KALRN: variants seen among roughly 807,000 people sequenced by gnomAD.
KALRN encodes kalirin RhoGEF kinase.
In KALRN, 70 loss-of-function variants were observed where a neutral mutation model predicts 353.7. The observed-to-expected ratio is 0.20, with a 90% CI of 0.16 to 0.24. The LOEUF is 0.24. Ranked by LOEUF, KALRN falls within the 10% of genes least tolerant of loss-of-function variation. KALRN has a pLI of 1.00. For synonymous variants in KALRN, 1,391 were observed against 1,434.8 expected, an observed-to-expected ratio of 0.97 and a Z score of 0.69; for missense variants, 2,791 against 3,756.7, an observed-to-expected ratio of 0.74 and a Z score of 6.72.
intron 1 of KALRN, among the ~76,000 whole-genome samples, chr3:124,113,508 G>C (rs539793497): frequency 1.3e-5 from 2 of 152,178 alleles, no homozygotes; most frequent in African/African-American, 4.8e-5. Context: ...GAAGAGAGTC[G>C]ATGACTAACT....
At chr3:124,494,216 G>T (rs990232251) in intron 32 of KALRN, among the ~76,000 whole-genome samples, 10 of 152,212 alleles carry the variant, frequency 6.6e-5, no homozygotes, top group Non-Finnish European at 1.2e-4. Flanking sequence ...CAATGGGTGG[G>T]TGAGAAACCT....
chr3:124,704,632 C>T (rs946245316), intron 57 of KALRN, among the ~76,000 whole-genome samples: 20 of 152,062 alleles, frequency 1.3e-4, no homozygotes, highest in Admixed American at 2.0e-4. Flanking sequence ...ACTGCAGTTT[C>T]GACCTTCCAG....
rs1237974528 is a variant in KALRN, at chr3:124,700,049, G to GCCCAA, written c.7996+19_7996+20insAACCC. ...CCAGAATATGGTGAGTCCCAGCCCA[G>GCCCAA]CCCTGGCCCCCCAGGCAGTGGGATT... On this transcript the variant is annotated intron_variant, in intron 56 of 59. Coordinates refer to ENST00000682506, the MANE Select transcript of KALRN (RefSeq NM_001388419.1). 1 of 1,612,836 alleles carries GCCCAA rather than the reference G, an allele frequency of 6.2e-7. No individual in the cohort carries two copies. Among genetic ancestry groups the GCCCAA allele is most frequent in the Admixed American group, 1.7e-5 (1 of 59,990 alleles).
chr3:124,387,587 T>C (rs1182439171), intron 11 of KALRN, among the ~76,000 whole-genome samples: 1 of 152,188 alleles, frequency 6.6e-6, no homozygotes, highest in Non-Finnish European at 1.5e-5. Context: ...ACAAAGACTT[T>C]TATATAAAGG....
At chr3:124,629,854 T>A (rs1366704423) in intron 34 of KALRN, among the ~76,000 whole-genome samples, 17 of 152,136 alleles carry the variant, frequency 1.1e-4, no homozygotes, top group African/African-American at 4.1e-4. Flanking sequence ...TGTATGGATA[T>A]CTATGTATAG....
At chr3:124,663,829 A>G (rs231601) in intron 45 of KALRN, among the ~76,000 whole-genome samples, 94,133 of 152,004 alleles carry the variant, frequency 0.62, 30,286 homozygotes, top group African/African-American at 0.81. Context: ...CACTGTATGA[A>G]TAATTTACGG....
Position 124,514,694 on chromosome 3 carries a change from T to C in KALRN, c.4935+18281T>C, listed in dbSNP as rs141226025. Among the ~76,000 whole-genome samples the C allele has an allele frequency of 5.6e-4, 85 of 152,294 alleles. No individual in the cohort carries two copies. The East Asian group carries it at 0.015, about 27-fold the overall frequency. ...GAGATTTGAACCCAGGTGTTTCTGA[T>C]ATCCATTATGCACACTGCCTTCCAC... On this transcript the variant is annotated intron_variant, in intron 33 of 59. Coordinates refer to ENST00000682506, the MANE Select transcript of KALRN (RefSeq NM_001388419.1).
At chr3:124,672,035 G>A (rs1189893715) in intron 48 of KALRN, 137 bp downstream of exon 48, 10 of 711,554 alleles carry the variant, frequency 1.4e-5, no homozygotes, top group South Asian at 5.1e-5. Flanking sequence ...TGCAACCTCC[G>A]CCTCCCAGGT....
rs998946075 is a variant in KALRN, at chr3:124,399,400, A to G, written c.2346+529A>G. Among the ~76,000 whole-genome samples, 7 of 152,306 alleles carry G rather than the reference A, an allele frequency of 4.6e-5. No homozygotes were observed. In the East Asian group the frequency reaches 1.4e-3, roughly 29 times the overall value. On this transcript the variant is annotated intron_variant, in intron 13 of 59. Transcript: ENST00000682506. ...TGATCCGCCTGCCTCAGCCTTCCAA[A>G]GTGCTGGGATTACAGGCATGAGCCA...
intron 1 of KALRN, among the ~76,000 whole-genome samples, chr3:124,177,040 A>C (rs894525213): frequency 6.6e-6 from 1 of 152,222 alleles, no homozygotes; most frequent in Non-Finnish European, 1.5e-5. Flanking sequence ...TTTCCTGAGA[A>C]GAGGCACACT....
chr3:124,178,658 AC>A (rs2150179103), intron 1 of KALRN, among the ~76,000 whole-genome samples: 1 of 152,350 alleles, frequency 6.6e-6, no homozygotes, highest in Non-Finnish European at 1.5e-5. Context: ...TAATAATAGT[AC>A]ACCTGTATAG....
rs1248013345 is a variant in KALRN, at chr3:124,657,614, C to T, written c.5966+63C>T. ...GGAATCCAGGACTTGAGTCCTCTTC[C>T]TGCATCTGACTCAAGGAGTAGGGCT... On this transcript the variant is annotated intron_variant, in intron 40 of 59. Coordinates refer to ENST00000682506, the MANE Select transcript of KALRN (RefSeq NM_001388419.1). 3 of 1,408,698 alleles carry T rather than the reference C, an allele frequency of 2.1e-6. No individual in the cohort carries two copies. In the African/African-American group the frequency reaches 4.2e-5, roughly 20 times the overall value. 87.3% of individuals were successfully genotyped at this position (1,408,698 alleles called of 1,614,324 possible). A position where few individuals can be genotyped will look rare whatever the true frequency, so the allele number is the denominator to read the frequency against.
At chr3:124,288,003 A>G (rs2076101970) in intron 5 of KALRN, among the ~76,000 whole-genome samples, 1 of 151,442 alleles carries the variant, frequency 6.6e-6, no homozygotes, top group Non-Finnish European at 1.5e-5. Flanking sequence ...CCTCCCCAGC[A>G]GGTGGGACTA....
chr3:124,058,459 A>T (rs577192310), intron 1 of KALRN, among the ~76,000 whole-genome samples: 18 of 152,164 alleles, frequency 1.2e-4, no homozygotes, highest in Non-Finnish European at 1.9e-4. Flanking sequence ...TTGTGAACTA[A>T]AGATACCCAT....
chr3:124,214,596 G>A (rs2077164081), intron 1 of KALRN, among the ~76,000 whole-genome samples: 4 of 152,116 alleles, frequency 2.6e-5, no homozygotes. Flanking sequence ...AAGATTACTG[G>A]GAGAGGATTA....
intron 3 of KALRN, among the ~76,000 whole-genome samples, 199 bp downstream of exon 3, chr3:124,235,142 A>T (rs1304806903): frequency 2.0e-5 from 3 of 152,054 alleles, no homozygotes; most frequent in Non-Finnish European, 4.4e-5. Context: ...ATGGGGTGGG[A>T]GCTGGAAGTG....
At chr3:124,708,431 A>G (rs1182505506) in intron 57 of KALRN, among the ~76,000 whole-genome samples, 1 of 152,236 alleles carries the variant, frequency 6.6e-6, no homozygotes, top group Non-Finnish European at 1.5e-5. Context: ...TTGACAGAGA[A>G]ATAGAAATGA....
rs967142518 is a variant in KALRN at position 124,033,674 on chromosome 3, G to GC, written c.-66dup. ...GCGCCCCGCGCCCTCCGCCCACCGG[G>GC]CGCCGAGCAGCCCTCGGCCCCAGGC... On this transcript the variant is annotated 5_prime_UTR_variant, in exon 1 of 60. Transcript: ENST00000682506. This position sits in a 1 kb window ranked among gnomAD's most constrained non-coding sequence, Gnocchi z 6.2. 6.5e-4 allele frequency among the ~76,000 whole-genome samples: 99 copies of GC among 151,464 alleles called. No individual in the cohort carries two copies. Among genetic ancestry groups the GC allele is most frequent in the African/African-American group, 2.2e-3 (92 of 41,350 alleles).
At chr3:124,349,551 C>T (rs761813445) in intron 10 of KALRN, among the ~76,000 whole-genome samples, 5 of 152,050 alleles carry the variant, frequency 3.3e-5, no homozygotes, top group Non-Finnish European at 7.4e-5. Context: ...AGATTGGACA[C>T]CCCTGGTTTA....
Sources: gnomAD v4.1 joint callset for allele counts (sites outside exome capture counted in the v4.1 genomes callset) on GRCh38, gnomAD v4.1.1 for gene constraint, Gnocchi (gnomAD v3.1) non-coding constraint, MANE v1.5 for transcripts, NCBI Gene and HGNC (gene_info 2026-07-23, HGNC 2026-07-21) for gene names.